Variants in TUSC3 observed in about 807,000 individuals in gnomAD.
The protein encoded by TUSC3 is tumor suppressor candidate 3, also known as dolichyl-diphosphooligosaccharide--protein glycosyltransferase subunit TUSC3.
Under a neutral mutation model 44.8 loss-of-function variants are expected in TUSC3, and 45 were observed. That is an observed-to-expected ratio of 1.00 (90% CI 0.79 to 1.29). The LOEUF (loss-of-function observed/expected upper bound fraction) is 1.29. Among genes scored for constraint, TUSC3 ranks in the 50% most tolerant of loss-of-function variants. The pLI is 0.00. For synonymous variants in TUSC3, 212 were observed against 152.9 expected (o/e 1.39, Z -2.85); for missense variants, 519 against 437.9 (o/e 1.19, Z -1.65).
At chr8:15,528,251 T>C (rs1164080789) in intron 2 of TUSC3, among the ~76,000 whole-genome samples, 2 of 152,152 alleles carry the variant, frequency 1.3e-5, no homozygotes, top group East Asian at 3.8e-4. Flanking sequence ...AAAATTAAAA[T>C]GAACATTTGT....
intron 6 of TUSC3, among the ~76,000 whole-genome samples, chr8:15,696,248 C>T (rs1190789392): frequency 6.6e-6 from 1 of 152,110 alleles, no homozygotes; most frequent in African/African-American, 2.4e-5. Context: ...CCTTGCTGCT[C>T]CAGCTGAGAC....
intron 1 of TUSC3, among the ~76,000 whole-genome samples, chr8:15,596,950 A>G (rs1464124804): frequency 6.6e-6 from 1 of 152,198 alleles, no homozygotes; most frequent in Non-Finnish European, 1.5e-5. Context: ...GACAAGGTTA[A>G]TAGTCCAATT....
At chr8:15,475,612 A>C (rs1432865654) in intron 1 of TUSC3, among the ~76,000 whole-genome samples, 1 of 152,198 alleles carries the variant, frequency 6.6e-6, no homozygotes, top group Non-Finnish European at 1.5e-5. Flanking sequence ...AATCAACTGG[A>C]AAACTGGAGC....
At chr8:15,537,232 C>G (rs966503934), upstream of TUSC3, among the ~76,000 whole-genome samples, 5 of 152,154 alleles carry the variant, frequency 3.3e-5, no homozygotes, top group Non-Finnish European at 7.4e-5. Flanking sequence ...TTCCTTTCCA[C>G]TGATCCCAGG....
At chr8:15,731,893 A>C (rs1810739698) in intron 7 of TUSC3, among the ~76,000 whole-genome samples, 1 of 152,104 alleles carries the variant, frequency 6.6e-6, no homozygotes, top group Non-Finnish European at 1.5e-5. Flanking sequence ...ACTGTGTTTT[A>C]GGCACTGCAT....
chr8:15,685,017 G>A (rs1438526626), intron 6 of TUSC3, among the ~76,000 whole-genome samples: 1 of 152,194 alleles, frequency 6.6e-6, no homozygotes, highest in Non-Finnish European at 1.5e-5. Context: ...TTGCAGCCTA[G>A]CAGACAGCAG....
intron 1 of TUSC3, among the ~76,000 whole-genome samples, chr8:15,612,586 G>A (rs1317563010): frequency 6.6e-6 from 1 of 152,118 alleles, no homozygotes; most frequent in Non-Finnish European, 1.5e-5. Flanking sequence ...TTGCTATAAA[G>A]TTAAGCCTTC....
chr8:15,595,550 G>A (rs1804032546), intron 1 of TUSC3, among the ~76,000 whole-genome samples: 1 of 152,126 alleles, frequency 6.6e-6, no homozygotes, highest in Admixed American at 6.6e-5. Context: ...CCTGAAAACT[G>A]TTACATATGT....
chr8:15,508,485 A>T (rs759041617), intron 2 of TUSC3, among the ~76,000 whole-genome samples: 2 of 84,046 alleles, frequency 2.4e-5, no homozygotes, highest in Non-Finnish European at 4.5e-5. Context: ...TTTTTTGAGA[A>T]GGAGTCTCTC....
chr8:15,618,584 A>G (rs541143662), intron 1 of TUSC3, among the ~76,000 whole-genome samples: 2 of 152,274 alleles, frequency 1.3e-5, no homozygotes, highest in East Asian at 3.9e-4. Context: ...TCCTAGGATA[A>G]CATTCTCTTC....
intron 7 of TUSC3, among the ~76,000 whole-genome samples, chr8:15,740,639 T>TA (rs766129144): frequency 1.7e-4 from 26 of 152,170 alleles, no homozygotes; most frequent in Non-Finnish European, 2.9e-4. Context: ...ATCAGTTTGA[T>TA]AAAATCAATA....
At chr8:15,699,942 C>T (rs771658316) in intron 6 of TUSC3, among the ~76,000 whole-genome samples, 3 of 152,172 alleles carry the variant, frequency 2.0e-5, no homozygotes, top group East Asian at 1.9e-4. Context: ...TTTTTATAAA[C>T]GGGACTTGAG....
At chr8:15,578,716 C>T (rs1803208030) in intron 1 of TUSC3, among the ~76,000 whole-genome samples, 2 of 152,132 alleles carry the variant, frequency 1.3e-5, no homozygotes, top group South Asian at 4.2e-4. Context: ...ATTCGTTTTG[C>T]CAGTATTTTA....
chr8:15,580,741 G>A (rs1420900863), intron 1 of TUSC3, among the ~76,000 whole-genome samples: 5 of 120,694 alleles, frequency 4.1e-5, no homozygotes, highest in Admixed American at 8.5e-5. Context: ...CTCTCTGGCT[G>A]CCCTTAACAT....
At chr8:15,589,260 C>G (rs991839157) in intron 1 of TUSC3, among the ~76,000 whole-genome samples, 36 of 152,084 alleles carry the variant, frequency 2.4e-4, no homozygotes, top group African/African-American at 8.7e-4. Flanking sequence ...TGTTTTTAAT[C>G]CATTTATCCA....
chr8:15,615,675 A>G (rs761124095), intron 1 of TUSC3, among the ~76,000 whole-genome samples: 1 of 152,164 alleles, frequency 6.6e-6, no homozygotes, highest in Non-Finnish European at 1.5e-5. Context: ...TATTCTAATT[A>G]CCCTGATTTA....
intron 2 of TUSC3, among the ~76,000 whole-genome samples, chr8:15,630,128 A>G (rs989952449): frequency 6.6e-6 from 1 of 152,170 alleles, no homozygotes; most frequent in African/African-American, 2.4e-5. Context: ...ACAAAATCTA[A>G]GTACGAAATA....
chr8:15,570,011 T>G (rs919496372), intron 1 of TUSC3, among the ~76,000 whole-genome samples: 9 of 152,156 alleles, frequency 5.9e-5, no homozygotes, highest in African/African-American at 2.2e-4. Flanking sequence ...GTATCCATTA[T>G]AAATAATTTT....
intron 1 of TUSC3, among the ~76,000 whole-genome samples, chr8:15,479,768 C>T (rs768762896): frequency 1.3e-5 from 2 of 152,092 alleles, no homozygotes; most frequent in Non-Finnish European, 2.9e-5. Context: ...TATATTGGCT[C>T]TTTTTCAACA....
Sources: allele counts gnomAD v4.1 joint callset (sites outside exome capture counted in the v4.1 genomes callset), GRCh38; gene constraint gnomAD v4.1.1; transcripts MANE v1.5; gene names NCBI Gene and HGNC (gene_info 2026-07-23, HGNC 2026-07-21).